Variants in ADAMTS12 observed in about 807,000 individuals in gnomAD.
The protein encoded by ADAMTS12 is A disintegrin and metalloproteinase with thrombospondin motifs 12.
In ADAMTS12, 118 loss-of-function variants were observed where a neutral mutation model predicts 167.8. The observed-to-expected ratio is 0.70, with a 90% CI of 0.61 to 0.82. The LOEUF (loss-of-function observed/expected upper bound fraction) is 0.82, where lower values mean the gene tolerates loss of function less well. Ranked by LOEUF, ADAMTS12 falls within the 40% of genes least tolerant of loss-of-function variation. ADAMTS12 has a pLI of 0.00. For synonymous variants in ADAMTS12, 704 were observed against 716.9 expected (o/e 0.98, Z 0.29); for missense variants, 1,916 against 1,998.8 (o/e 0.96, Z 0.79).
rs1276338419 is a variant in ADAMTS12, at chr5:33,526,958, A to T, written c.*230T>A. On this transcript the variant is annotated 3_prime_UTR_variant, in exon 24 of 24. Coordinates refer to ENST00000504830, the MANE Select transcript of ADAMTS12 (RefSeq NM_030955.4). ...AGGAGCCGATACCAGGTGCTGCCTG[A>T]TTCTCCTAGCTATTTCACCTTCCTA... The T allele has an allele frequency of 2.0e-6, 1 of 511,438 alleles. No homozygotes were observed. The highest frequency in any genetic ancestry group is 3.0e-5 in the South Asian group (1 of 32,792). The allele number at this position is 511,438 out of a possible 1,614,324, so 31.7% of individuals were successfully genotyped here. A position where few individuals can be genotyped will look rare whatever the true frequency, so the allele number is the denominator to read the frequency against.
chr5:33,564,428 T>C (rs958483920), intron 19 of ADAMTS12, among the ~76,000 whole-genome samples: 1 of 152,222 alleles, frequency 6.6e-6, no homozygotes, highest in African/African-American at 2.4e-5. Context: ...CTGTTGGATA[T>C]TGGGTTGCAG....
chr5:33,874,348 T>C (rs1287734159), intron 2 of ADAMTS12, among the ~76,000 whole-genome samples: 1 of 152,138 alleles, frequency 6.6e-6, no homozygotes, highest in Non-Finnish European at 1.5e-5. Flanking sequence ...ATTTCCATGG[T>C]GAAGAAAATG....
intron 2 of ADAMTS12, among the ~76,000 whole-genome samples, chr5:33,849,619 A>G (rs1749134825): frequency 9.6e-6 from 1 of 103,650 alleles, no homozygotes; most frequent in African/African-American, 3.1e-5. Context: ...ATATATATGT[A>G]TTGCATAGCA....
intron 19 of ADAMTS12, among the ~76,000 whole-genome samples, chr5:33,565,460 A>G (rs1262300911): frequency 6.6e-6 from 1 of 152,156 alleles, no homozygotes; most frequent in East Asian, 1.9e-4. Flanking sequence ...CTTCAGTTCT[A>G]TTTATTAAAC....
At chr5:33,654,408 A>C (rs1289573340) in intron 7 of ADAMTS12, among the ~76,000 whole-genome samples, 1 of 152,072 alleles carries the variant, frequency 6.6e-6, no homozygotes, top group Non-Finnish European at 1.5e-5. Context: ...TTAAATCTTC[A>C]GTTTTAGCTT....
At chr5:33,794,788 C>T (rs1311752449) in intron 2 of ADAMTS12, among the ~76,000 whole-genome samples, 1 of 152,064 alleles carries the variant, frequency 6.6e-6, no homozygotes, top group East Asian at 1.9e-4. Context: ...AAGGGGCCAG[C>T]GGGGGAGATC....
At chr5:33,787,286 T>C (rs1322645341) in intron 2 of ADAMTS12, among the ~76,000 whole-genome samples, 1 of 152,122 alleles carries the variant, frequency 6.6e-6, no homozygotes, top group African/African-American at 2.4e-5. Flanking sequence ...CTTCCTACGG[T>C]TGTTAGAAGA....
chr5:33,565,769 T>C (rs1745986232), intron 19 of ADAMTS12, among the ~76,000 whole-genome samples: 1 of 152,098 alleles, frequency 6.6e-6, no homozygotes, highest in African/African-American at 2.4e-5. Flanking sequence ...GAATTAATTC[T>C]TTGTATCTTG....
Position 33,658,252 on chromosome 5 carries a change from G to T in ADAMTS12, c.1122C>A (p.Arg374=), listed in dbSNP as rs781080284. ...SHLSGMCQPH[R]SCNINEDSGL... ...CCGAATCTTCATTGATGTTACAACT[G>T]CGGTGAGGCTGACACATTCCTGAAA... Residue 374 remains arginine (R), a synonymous_variant, in exon 7 of 24, where the codon CGC becomes CGA. Coordinates refer to ENST00000504830, the MANE Select transcript of ADAMTS12 (RefSeq NM_030955.4). 132 of 1,613,630 alleles carry T rather than the reference G, an allele frequency of 8.2e-5. No homozygotes were observed. Among genetic ancestry groups the T allele is most frequent in the Non-Finnish European group, 1.1e-4 (127 of 1,179,732 alleles).
At chr5:33,695,384 AT>A (rs1374963679) in intron 3 of ADAMTS12, among the ~76,000 whole-genome samples, 1 of 152,224 alleles carries the variant, frequency 6.6e-6, no homozygotes, top group Non-Finnish European at 1.5e-5. Flanking sequence ...AGAGAGGGGA[AT>A]AAATAGAGAC....
intron 2 of ADAMTS12, among the ~76,000 whole-genome samples, chr5:33,864,826 T>C (rs974907677): frequency 1.3e-5 from 2 of 151,838 alleles, no homozygotes; most frequent in African/African-American, 4.8e-5. Context: ...ACATCACACA[T>C]CAGGGCCTGT....
intron 2 of ADAMTS12, among the ~76,000 whole-genome samples, chr5:33,842,144 T>C (rs563656918): frequency 5.3e-5 from 8 of 152,214 alleles, no homozygotes; most frequent in East Asian, 1.9e-4. Flanking sequence ...ATTATGACTT[T>C]ACTTTGTTAA....
chr5:33,832,966 A>G (rs1748362473), intron 2 of ADAMTS12, among the ~76,000 whole-genome samples: 1 of 152,174 alleles, frequency 6.6e-6, no homozygotes, highest in Admixed American at 6.5e-5. Flanking sequence ...TTCAGTCAAT[A>G]TCATCTCTCT....
Position 33,643,428 on chromosome 5 carries a change from G to A in ADAMTS12, c.1522C>T (p.Arg508Cys), listed in dbSNP as rs143654915. The A allele has an allele frequency of 3.2e-4, 512 of 1,614,104 alleles. 1 individual carries two copies. The highest frequency in any genetic ancestry group is 4.0e-4 in the Non-Finnish European group (470 of 1,179,964). ...TCTGCAGCAGCGTCCAGCTTAGAGC[G>A]ACAAAAGCCCTTCACGGAGCACCAC... ...TLWCSVKGFC[R>C]SKLDAAADGT... Residue 508 changes from arginine (R) to cysteine (C), a missense_variant, in exon 10 of 24, where the codon CGC becomes TGC. Arg to Cys is a radical substitution (Grantham distance 180). Coordinates refer to ENST00000504830, the MANE Select transcript of ADAMTS12 (RefSeq NM_030955.4).
intron 2 of ADAMTS12, among the ~76,000 whole-genome samples, chr5:33,771,196 C>T (rs1047945422): frequency 6.6e-6 from 1 of 152,156 alleles, no homozygotes; most frequent in Non-Finnish European, 1.5e-5. Flanking sequence ...AGACACTCAA[C>T]AAATGTCTGT....
intron 2 of ADAMTS12, among the ~76,000 whole-genome samples, chr5:33,880,591 G>A (rs1041681180): frequency 2.0e-5 from 3 of 152,244 alleles, no homozygotes; most frequent in African/African-American, 7.2e-5. Flanking sequence ...CATGAGACAG[G>A]TACTACTATT....
chr5:33,530,633 C>T (rs1250735212), intron 23 of ADAMTS12, among the ~76,000 whole-genome samples: 1 of 152,184 alleles, frequency 6.6e-6, no homozygotes, highest in East Asian at 1.9e-4. Context: ...GGAGGCTCAG[C>T]TGACAGCAAC....
At chr5:33,535,423 C>A (rs1236604019) in intron 22 of ADAMTS12, among the ~76,000 whole-genome samples, 2 of 152,078 alleles carry the variant, frequency 1.3e-5, no homozygotes, top group Non-Finnish European at 2.9e-5. Flanking sequence ...TGAGACCCAG[C>A]CAGAGATTCC....
chr5:33,600,525 GAC>G (rs1738136441), intron 16 of ADAMTS12, among the ~76,000 whole-genome samples: 1 of 152,028 alleles, frequency 6.6e-6, no homozygotes, highest in East Asian at 1.9e-4. Context: ...AACAAGTGAA[GAC>G]ATAGCTTATT....
Sources: allele counts gnomAD v4.1 joint callset (sites outside exome capture counted in the v4.1 genomes callset), GRCh38; gene constraint gnomAD v4.1.1; transcripts MANE v1.5; gene names NCBI Gene and HGNC (gene_info 2026-07-23, HGNC 2026-07-21).